Variants in RNLS observed in about 807,000 individuals in gnomAD.
The protein encoded by RNLS is renalase, FAD dependent amine oxidase, also known as renalase.
A neutral mutation model predicts 39.8 loss-of-function variants in RNLS; 39 were observed. The observed-to-expected ratio is 0.98, with a 90% CI of 0.76 to 1.28. The LOEUF is 1.28. RNLS is among the 50% of genes most tolerant of loss of function. RNLS has a pLI of 0.00. For missense variants in RNLS, 410 were observed against 413.3 expected, an observed-to-expected ratio of 0.99 and a Z score of 0.07; for synonymous variants, 147 against 150.7, an observed-to-expected ratio of 0.98 and a Z score of 0.18.
At chr10:88,378,312 G>T (rs1438211816) in intron 4 of RNLS, among the ~76,000 whole-genome samples, 3 of 152,088 alleles carry the variant, frequency 2.0e-5, no homozygotes, top group Non-Finnish European at 4.4e-5. Context: ...AGAAGCAAAA[G>T]GTTCTCCCTG....
At chr10:88,569,301 T>C (rs1233868170) in intron 4 of RNLS, among the ~76,000 whole-genome samples, 1 of 137,866 alleles carries the variant, frequency 7.3e-6, no homozygotes, top group Non-Finnish European at 1.5e-5. Flanking sequence ...AGTATTCCAA[T>C]TTAAAAACCA....
At chr10:88,515,595 T>C (rs977045921) in intron 4 of RNLS, among the ~76,000 whole-genome samples, 2 of 152,058 alleles carry the variant, frequency 1.3e-5, no homozygotes, top group Admixed American at 6.6e-5. Context: ...GATCAGAACA[T>C]CACCCTTCTG....
intron 4 of RNLS, among the ~76,000 whole-genome samples, chr10:88,369,148 T>C (rs1850347239): frequency 6.6e-6 from 1 of 152,196 alleles, no homozygotes. Context: ...AAATTTTTCC[T>C]GTTTACTTTT....
At chr10:88,310,191 T>C (rs565709414) in intron 6 of RNLS, among the ~76,000 whole-genome samples, 86 of 152,178 alleles carry the variant, frequency 5.7e-4, no homozygotes, top group African/African-American at 1.9e-3. Context: ...CCAGCCTGGG[T>C]GATAAAGCGA....
chr10:88,538,419 A>G (rs1183710412), intron 4 of RNLS, among the ~76,000 whole-genome samples: 1 of 152,180 alleles, frequency 6.6e-6, no homozygotes, highest in African/African-American at 2.4e-5. Flanking sequence ...TAACCCTTAG[A>G]AAAGACATTT....
the RNLS span, among the ~76,000 whole-genome samples, chr10:88,199,236 G>A: frequency 6.6e-6 from 1 of 152,182 alleles, no homozygotes; most frequent in African/African-American, 2.4e-5. Flanking sequence ...CTGCTGTGCG[G>A]TGGAAACATC....
At chr10:88,540,710 C>G (rs1847990462) in intron 4 of RNLS, among the ~76,000 whole-genome samples, 2 of 152,004 alleles carry the variant, frequency 1.3e-5, no homozygotes, top group Non-Finnish European at 2.9e-5. Context: ...AATAAGTGTA[C>G]TTTTCCAGAG....
At chr10:88,261,606 A>C in the RNLS span, among the ~76,000 whole-genome samples, 1 of 152,204 alleles carries the variant, frequency 6.6e-6, no homozygotes, top group African/African-American at 2.4e-5. Flanking sequence ...GGCCACCCCT[A>C]GCTTCAAGAA....
At chr10:88,490,064 T>C (rs1314326802) in intron 4 of RNLS, among the ~76,000 whole-genome samples, 2 of 152,178 alleles carry the variant, frequency 1.3e-5, no homozygotes, top group Non-Finnish European at 2.9e-5. Flanking sequence ...ATATGGATTT[T>C]TGGCTAGGTC....
At chr10:88,426,632 T>C (rs1854786655) in intron 4 of RNLS, among the ~76,000 whole-genome samples, 1 of 152,052 alleles carries the variant, frequency 6.6e-6, no homozygotes, top group South Asian at 2.1e-4. Flanking sequence ...CCTGGCACTG[T>C]TCTAGATGCT....
At chr10:88,419,842 T>C (rs949880599) in intron 4 of RNLS, among the ~76,000 whole-genome samples, 29 of 151,134 alleles carry the variant, frequency 1.9e-4, no homozygotes, top group Admixed American at 1.7e-3. Context: ...CTGTCTCTAC[T>C]AAAAAAAAGT....
chr10:88,318,497 C>T (rs1845935486), intron 5 of RNLS, among the ~76,000 whole-genome samples: 1 of 152,232 alleles, frequency 6.6e-6, no homozygotes, highest in Admixed American at 6.5e-5. Flanking sequence ...AAGCACTTAT[C>T]ACACTTTTTG....
chr10:88,201,035 CT>C, the RNLS span, among the ~76,000 whole-genome samples: 1 of 146,972 alleles, frequency 6.8e-6, no homozygotes, highest in African/African-American at 2.5e-5. Flanking sequence ...TTAAAAATAG[CT>C]TTTGGTCTAT....
the RNLS span, among the ~76,000 whole-genome samples, chr10:88,186,654 A>G: frequency 6.6e-6 from 1 of 152,168 alleles, no homozygotes; most frequent in East Asian, 1.9e-4. Flanking sequence ...TCAGTGCTAA[A>G]TGGTAACACA....
At chr10:88,451,070 G>A (rs1339724501) in intron 4 of RNLS, among the ~76,000 whole-genome samples, 2 of 152,182 alleles carry the variant, frequency 1.3e-5, no homozygotes. Flanking sequence ...GCTAGGATAT[G>A]AGAGGTGAGA....
At chr10:88,552,432 G>GT (rs1476802188) in intron 4 of RNLS, among the ~76,000 whole-genome samples, 2 of 152,210 alleles carry the variant, frequency 1.3e-5, no homozygotes, top group African/African-American at 2.4e-5. Flanking sequence ...CTGAACAGAT[G>GT]TATGTGTATT....
chr10:88,250,260 C>G, the RNLS span, among the ~76,000 whole-genome samples: 1 of 152,184 alleles, frequency 6.6e-6, no homozygotes, highest in Admixed American at 6.5e-5. Flanking sequence ...ACACAGCAGA[C>G]AATAATATAC....
chr10:88,444,153 T>G (rs1277399871), intron 4 of RNLS, among the ~76,000 whole-genome samples: 1 of 152,194 alleles, frequency 6.6e-6, no homozygotes, highest in Non-Finnish European at 1.5e-5. Flanking sequence ...TAGCAACATT[T>G]GCTGATCAGC....
the RNLS span, among the ~76,000 whole-genome samples, chr10:88,249,428 A>T: frequency 1.3e-5 from 2 of 152,306 alleles, no homozygotes; most frequent in East Asian, 3.9e-4. Context: ...TGTGTAACAA[A>T]TTACCCCAAA....
Sources: gnomAD v4.1 joint callset for allele counts (sites outside exome capture counted in the v4.1 genomes callset) on GRCh38, gnomAD v4.1.1 for gene constraint, MANE v1.5 for transcripts, NCBI Gene and HGNC (gene_info 2026-07-23, HGNC 2026-07-21) for gene names.